Variants in NKX6-3 observed in about 807,000 individuals in gnomAD.
NKX6-3 encodes the protein NK6 homeobox 3.
Under a neutral mutation model 22.0 loss-of-function variants are expected in NKX6-3, and 17 were observed. The observed-to-expected ratio is 0.77, with a 90% CI of 0.53 to 1.16. NKX6-3 has a LOEUF of 1.16. Ranked by LOEUF, NKX6-3 falls within the 50% of genes most tolerant of loss-of-function variation. The pLI is 0.00. For missense variants in NKX6-3, 363 were observed against 359.0 expected (o/e 1.01, Z -0.09); for synonymous variants, 177 against 167.2 (o/e 1.06, Z -0.45).
intron 1 of NKX6-3, 39 bp from the exon 2 acceptor site, chr8:41,648,274 T>C: frequency 2.7e-6 from 4 of 1,495,766 alleles, no homozygotes; most frequent in Middle Eastern, 3.5e-4. Context: ...GTAGAATAAG[T>C]GGGGACCCTG....
intron 2 of NKX6-3, chr8:41,647,399 GA>G: frequency 2.6e-6 from 4 of 1,519,192 alleles, no homozygotes; most frequent in Non-Finnish European, 3.5e-6. Flanking sequence ...TCAAAGTGGG[GA>G]AAGTTGCCCC....
rs1021170174 is a variant in NKX6-3, at chr8:41,650,602, C to T, written c.-110G>A. 6 of 1,120,024 alleles carry T rather than the reference C, an allele frequency of 5.4e-6. No individual in the cohort carries two copies. The highest frequency in any genetic ancestry group is 7.4e-6 in the Non-Finnish European group (6 of 808,208). The allele number at this position is 1,120,024 out of a possible 1,614,324, so 69.4% of individuals were successfully genotyped here. ...CTGGAGGCTTAGGACCGTCTCCGAGCTCCTGACTGCCTCCCACCTAAGGCA... is the reference window on the plus strand; with the variant it reads ...CTGGAGGCTTAGGACCGTCTCCGAGTTCCTGACTGCCTCCCACCTAAGGCA... On this transcript the variant is annotated 5_prime_UTR_variant, in exon 1 of 3. Coordinates refer to ENST00000518699, the MANE Select transcript of NKX6-3 (RefSeq NM_001364841.2).
rs1426725367 is a variant in NKX6-3, at chr8:41,650,389, AAGG to A, written c.101_103del (p.Ser34del). ...CAGCCCTGGGGGGCTGAGCTTGTAGAAGGAGTTCTGCACAGAGTACTGGCACAC... is the reference window on the plus strand; with the variant it reads ...CAGCCCTGGGGGGCTGAGCTTGTAGAAGTTCTGCACAGAGTACTGGCACAC... On this transcript the variant is annotated inframe_deletion, in exon 1 of 3. Transcript: ENST00000518699. The A allele has an allele frequency of 6.5e-7, 1 of 1,535,526 alleles. No individual in the cohort carries two copies.
chr8:41,645,210 T>A lies in NKX6-3; in HGVS notation c.*1239A>T, dbSNP rs1201955269. On this transcript the variant is annotated 3_prime_UTR_variant, in exon 3 of 3. Transcript: ENST00000518699. Reference sequence around the variant, plus strand: ...ATGGGACTTTTATTTTTACTGTTTATTTTTTGAAAGCCAGTGAGGATGGGC... The same window carrying A: ...ATGGGACTTTTATTTTTACTGTTTAATTTTTGAAAGCCAGTGAGGATGGGC... 3 of 152,258 alleles carry A rather than the reference T, an allele frequency of 2.0e-5. No individual in the cohort carries two copies. The highest frequency in any genetic ancestry group is 4.4e-5 in the Non-Finnish European group (3 of 68,062). The allele number at this position is 152,258 out of a possible 1,614,324, so 9.4% of individuals were successfully genotyped here. A position where few individuals can be genotyped will look rare whatever the true frequency, so the allele number is the denominator to read the frequency against.
Position 41,646,294 on chromosome 8 carries a change from T to A in NKX6-3, c.*155A>T. ...CCTCCTCCCCCGCCTCCCCTCCTCCTCCCCTGCACCTGCTGCTCCTCCTCC... is the reference window on the plus strand; with the variant it reads ...CCTCCTCCCCCGCCTCCCCTCCTCCACCCCTGCACCTGCTGCTCCTCCTCC... On this transcript the variant is annotated 3_prime_UTR_variant, in exon 3 of 3. Coordinates refer to ENST00000518699, the MANE Select transcript of NKX6-3 (RefSeq NM_001364841.2). The A allele has an allele frequency of 5.3e-6, 5 of 935,268 alleles. No individual in the cohort carries two copies. Among genetic ancestry groups the A allele is most frequent in the Non-Finnish European group, 7.8e-6 (5 of 645,094 alleles). 57.9% of individuals were successfully genotyped at this position (935,268 alleles called of 1,614,324 possible). A position where few individuals can be genotyped will look rare whatever the true frequency, so the allele number is the denominator to read the frequency against.
chr8:41,647,430 A>C, intron 2 of NKX6-3: 2 of 1,424,908 alleles, frequency 1.4e-6, no homozygotes, highest in Non-Finnish European at 1.8e-6. Context: ...AGGCGGTAGA[A>C]ACCGGTTTCC....
rs1804199261 is a variant in NKX6-3 at position 41,646,344 on chromosome 8, C to T, written c.*105G>A. 6.5e-6 allele frequency: 9 copies of T among 1,392,946 alleles called. No individual in the cohort carries two copies. The highest frequency in any genetic ancestry group is 7.7e-6 in the Non-Finnish European group (8 of 1,035,622). The allele number at this position is 1,392,946 out of a possible 1,614,324, so 86.3% of individuals were successfully genotyped here. A position where few individuals can be genotyped will look rare whatever the true frequency, so the allele number is the denominator to read the frequency against. ...CACGCGCCCCTCATCCAAAGAAAGA[C>T]TCAGTCCCTGCGCCCCCAGGAGCGT... is the stretch of plus-strand genomic sequence containing the variant. On this transcript the variant is annotated 3_prime_UTR_variant, in exon 3 of 3. Transcript: ENST00000518699.
intron 1 of NKX6-3, among the ~76,000 whole-genome samples, 161 bp downstream of exon 1, chr8:41,649,950 G>A (rs1269172859): frequency 2.0e-5 from 3 of 152,148 alleles, no homozygotes; most frequent in East Asian, 1.9e-4. Context: ...AGGAGAGGGT[G>A]GAACTCAGCC....
At position 41,646,616 on chromosome 8, in the gene NKX6-3, C is replaced by A. The variant is rs764138340; in HGVS notation, c.631G>T (p.Gly211Cys). ...CCGCCTGCGCCTGCACCCGCGCCGC[C>A]CGGGGCCCGGGGCGTGGAGGACGAG... is the stretch of plus-strand genomic sequence containing the variant. ...EPSSSTPRAP[G>C]GAGAGAGGDR... Residue 211 changes from glycine to cysteine, a missense_variant, in exon 3 of 3, where the codon GGC becomes TGC. Gly to Cys is a radical substitution (Grantham distance 159). This residue lies in a region of NKX6-3 where 169 missense variants were observed against 155.8 expected (regional missense o/e 1.08). Transcript: ENST00000518699. The A allele has an allele frequency of 2.2e-5, 34 of 1,558,562 alleles. No individual in the cohort carries two copies. The Middle Eastern group carries it at 5.0e-4, about 23-fold the overall frequency.
intron 2 of NKX6-3, chr8:41,647,468 C>T (rs1804236832): frequency 2.7e-6 from 3 of 1,125,854 alleles, no homozygotes; most frequent in Non-Finnish European, 3.7e-6. Context: ...GCATTTGGGG[C>T]CCCTGCGTGT....
In NKX6-3 at chr8:41,650,172, C is replaced by G; in HGVS notation, c.321G>C (p.Arg107=). 6.5e-7 allele frequency: 1 copy of G among 1,535,594 alleles called. No individual in the cohort carries two copies. The highest frequency in any genetic ancestry group is 8.7e-7 in the Non-Finnish European group (1 of 1,146,630). Reference sequence around the variant, plus strand: ...CCGTGTCCGCCCAGCAGTTCCGGGTCCGGGTCGGGTACTCGTTCCCAGCCT... The same window carrying G: ...CCGTGTCCGCCCAGCAGTTCCGGGTGCGGGTCGGGTACTCGTTCCCAGCCT... ...FSKAGNEYPT[R]TRNCWADTGQ... is the part of the protein sequence containing the mutation. Residue 107 remains arginine (R), a synonymous_variant, in exon 1 of 3, where the codon CGG becomes CGC. Coordinates refer to ENST00000518699, the MANE Select transcript of NKX6-3 (RefSeq NM_001364841.2).
At position 41,650,361 on chromosome 8, in the gene NKX6-3, GC is replaced by G. The variant is rs1804293801; in HGVS notation, c.131del (p.Gly44AlafsTer16). The G allele has an allele frequency of 6.5e-7, 1 of 1,535,142 alleles. No homozygotes were observed. ...GGGGGGTTCCGGCGGCCAGCTGGGGGCCCAGCCCTGGGGGGCTGAGCTTGTA... is the reference window on the plus strand; with the variant it reads ...GGGGGGTTCCGGCGGCCAGCTGGGGGCCAGCCCTGGGGGGCTGAGCTTGTA... ...SFYKLSPPGL[G>X]PQLAAGTPHG... On this transcript the variant is annotated frameshift_variant, in exon 1 of 3. Transcript: ENST00000518699. LOFTEE classifies it high-confidence loss of function.
At chr8:41,647,409 C>A (rs1804235382) in intron 2 of NKX6-3, 11 of 1,509,552 alleles carry the variant, frequency 7.3e-6, no homozygotes, top group African/African-American at 1.4e-5. Context: ...GAAAGTTGCC[C>A]CCAGACTCTA....
rs1414037469 is a variant in NKX6-3 at position 41,646,708 on chromosome 8, G to C, written c.553-14C>G. 1.3e-6 allele frequency: 2 copies of C among 1,535,938 alleles called. No individual in the cohort carries two copies. The highest frequency in any genetic ancestry group is 1.7e-6 in the Non-Finnish European group (2 of 1,145,562). On this transcript the variant is annotated splice_polypyrimidine_tract_variant and intron_variant, in intron 2 of 2. Transcript: ENST00000518699. ...CTGGAACCACACCTGCGATGAGAAAGAATGTGAAGGGCACAGGGGCACAGC... is the reference window on the plus strand; with the variant it reads ...CTGGAACCACACCTGCGATGAGAAACAATGTGAAGGGCACAGGGGCACAGC...
intron 1 of NKX6-3, among the ~76,000 whole-genome samples, chr8:41,649,336 C>T (rs1804269425): frequency 6.6e-6 from 1 of 152,156 alleles, no homozygotes; most frequent in African/African-American, 2.4e-5. Context: ...CCCTGCCTGA[C>T]GTGGGCAGGG....
Position 41,650,201 on chromosome 8 carries a change from A to G in NKX6-3, c.292T>C (p.Ser98Pro), listed in dbSNP as rs1804288798. The stretch of plus-strand genomic sequence containing the variant: ...GTCGGGTACTCGTTCCCAGCCTTGG[A>G]AAAATTCCCTACCTGGGGGCTGTAG... ...VYYSPQVGNF[S>P]KAGNEYPTRT... Residue 98 changes from serine (S) to proline (P), a missense_variant, in exon 1 of 3, where the codon TCC (serine) becomes CCC (proline). Ser to Pro is a moderately conservative substitution (Grantham distance 74, BLOSUM62 -1). Coordinates refer to ENST00000518699, the MANE Select transcript of NKX6-3 (RefSeq NM_001364841.2). The G allele has an allele frequency of 1.3e-6, 2 of 1,534,706 alleles. No individual in the cohort carries two copies. The highest frequency in any genetic ancestry group is 2.7e-5 in the African/African-American group (2 of 73,000).
rs1804302968 is a variant in NKX6-3 at position 41,650,749 on chromosome 8, G to A, written c.-257C>T. Reference sequence around the variant, plus strand: ...TCTCCTTGCCCTGGCCGGACAGGGTGGCCCCCTAAGCCTCAGCTCAGACCC... The same window carrying A: ...TCTCCTTGCCCTGGCCGGACAGGGTAGCCCCCTAAGCCTCAGCTCAGACCC... On this transcript the variant is annotated 5_prime_UTR_variant, in exon 1 of 3. Coordinates refer to ENST00000518699, the MANE Select transcript of NKX6-3 (RefSeq NM_001364841.2). 2.1e-6 allele frequency: 1 copy of A among 477,626 alleles called. No homozygotes were observed. The highest frequency in any genetic ancestry group is 3.8e-5 in the Admixed American group (1 of 26,028). 29.6% of individuals were successfully genotyped at this position (477,626 alleles called of 1,614,324 possible).
In NKX6-3 at chr8:41,646,232, T is replaced by C. The variant is rs1804196713; in HGVS notation, c.*217A>G. ...GCCTCCCTCCTGGCCTCCTCCTCCC[T>C]TAGCTAGGATGCCTGTCCCCTTTCC... On this transcript the variant is annotated 3_prime_UTR_variant, in exon 3 of 3. Transcript: ENST00000518699. 4.7e-6 allele frequency: 3 copies of C among 640,706 alleles called. No homozygotes were observed. Among genetic ancestry groups the C allele is most frequent in the Non-Finnish European group, 8.0e-6 (3 of 376,476 alleles). The allele number at this position is 640,706 out of a possible 1,614,324, so 39.7% of individuals were successfully genotyped here. A position where few individuals can be genotyped will look rare whatever the true frequency, so the allele number is the denominator to read the frequency against.
rs969277708 is a variant in NKX6-3 at position 41,650,231 on chromosome 8, C to T, written c.262G>A (p.Val88Ile). The T allele has an allele frequency of 4.6e-6, 7 of 1,533,340 alleles. No individual in the cohort carries two copies. The South Asian group carries it at 6.0e-5, about 13-fold the overall frequency. The allele number at this position is 1,533,340 out of a possible 1,614,324, so 95.0% of individuals were successfully genotyped here. A position where few individuals can be genotyped will look rare whatever the true frequency, so the allele number is the denominator to read the frequency against. ...AGFGGLSSQGVYYSPQVGNFS... is the reference protein window; with the variant it reads ...AGFGGLSSQGIYYSPQVGNFS... ...TTCCCTACCTGGGGGCTGTAGTAGA[C>T]CCCCTGCGAGCTGAGCCCCCCAAAG... is the stretch of plus-strand genomic sequence containing the variant. The change falls in exon 1 of 3, where the codon GTC (valine) becomes ATC (isoleucine). Residue 88 changes from valine to isoleucine, a missense_variant. By Grantham distance (29) the Val-to-Ile change is conservative (BLOSUM62 3). Coordinates refer to ENST00000518699, the MANE Select transcript of NKX6-3 (RefSeq NM_001364841.2).
Sources: allele counts gnomAD v4.1 joint callset (sites outside exome capture counted in the v4.1 genomes callset), GRCh38; gene constraint gnomAD v4.1.1; regional missense constraint gnomAD v4.1.1; transcripts MANE v1.5; gene names NCBI Gene and HGNC (gene_info 2026-07-23, HGNC 2026-07-21).